Variants in SNRPN observed in about 807,000 individuals in gnomAD.
The protein encoded by SNRPN is small nuclear ribonucleoprotein-associated protein N.
Under a neutral mutation model 25.2 loss-of-function variants are expected in SNRPN, and 7 were observed. The ratio of observed to expected loss-of-function variants is 0.28; its 90% confidence interval spans 0.16 to 0.52. SNRPN has a LOEUF of 0.52. SNRPN is among the 20% of genes least tolerant of loss of function. The probability of loss-of-function intolerance (pLI) is 0.96; values close to 1 mark genes in which losing one functional copy is unlikely to be tolerated. For synonymous variants in SNRPN, 124 were observed against 110.6 expected (o/e 1.12, Z -0.76); for missense variants, 196 against 322.5 (o/e 0.61, Z 3.00).
intron 2 of SNRPN, among the ~76,000 whole-genome samples, chr15:24,895,360 C>T (rs892518988): frequency 2.6e-5 from 4 of 151,282 alleles, no homozygotes; most frequent in African/African-American, 9.7e-5. Context: ...TTGGCATGTC[C>T]TGAATATATT....
chr15:24,890,243 C>T (rs1265179028), intron 2 of SNRPN, among the ~76,000 whole-genome samples: 1 of 152,076 alleles, frequency 6.6e-6, no homozygotes, highest in African/African-American at 2.4e-5. Flanking sequence ...ATGGGACCCT[C>T]ATTTCAGAGG....
intron 2 of SNRPN, among the ~76,000 whole-genome samples, chr15:24,845,403 G>A (rs1350055948): frequency 6.6e-6 from 1 of 152,116 alleles, no homozygotes; most frequent in Non-Finnish European, 1.5e-5. Context: ...TTCGAGACCA[G>A]CCTGACCAAC....
At chr15:24,975,653 GA>G in intron 5 of SNRPN, 144 bp downstream of exon 5, 1 of 661,916 alleles carries the variant, frequency 1.5e-6, no homozygotes, top group Non-Finnish European at 2.6e-6. Context: ...CTCTTGACCT[GA>G]TCTCTGAATT....
intron 2 of SNRPN, among the ~76,000 whole-genome samples, chr15:24,841,966 C>A (rs1159337134): frequency 6.6e-6 from 1 of 152,146 alleles, no homozygotes; most frequent in Non-Finnish European, 1.5e-5. Context: ...ACATTCCTTT[C>A]TCTCTGTCTC....
chr15:24,920,249 C>T (rs1245017215), intron 3 of SNRPN: 3 of 152,102 alleles, frequency 2.0e-5, no homozygotes, highest in Non-Finnish European at 1.5e-5. Context: ...GAATCAGAAA[C>T]GTGTTGTGTT....
At chr15:24,835,485 T>C (rs1275392015) in intron 2 of SNRPN, among the ~76,000 whole-genome samples, 1 of 152,126 alleles carries the variant, frequency 6.6e-6, no homozygotes, top group Admixed American at 6.5e-5. Context: ...GTTTCTGGCC[T>C]GCCTGTGGCA....
chr15:24,927,796 G>T (rs948518043), intron 3 of SNRPN, among the ~76,000 whole-genome samples: 1 of 151,882 alleles, frequency 6.6e-6, no homozygotes, highest in African/African-American at 2.4e-5. Flanking sequence ...TGGTTCCTCT[G>T]CCTGCCTTTG....
intron 6 of SNRPN, 51 bp from the exon 7 acceptor site, chr15:24,976,826 C>T: frequency 6.5e-7 from 1 of 1,535,862 alleles, no homozygotes; most frequent in Non-Finnish European, 8.9e-7. Context: ...AATAAGAATA[C>T]TGAGAACTTG....
At chr15:24,924,829 A>G (rs1050315193) in intron 3 of SNRPN, among the ~76,000 whole-genome samples, 3 of 152,034 alleles carry the variant, frequency 2.0e-5, no homozygotes, top group South Asian at 2.1e-4. Context: ...CCTCTTGGGA[A>G]ATGTGCAGGC....
chr15:24,967,986 C>G lies in SNRPN; in HGVS notation c.-240C>G, dbSNP rs2075900520. 6.2e-7 allele frequency: 1 copy of G among 1,614,032 alleles called. No homozygotes were observed. Among genetic ancestry groups the G allele is most frequent in the Non-Finnish European group, 8.5e-7 (1 of 1,180,004 alleles). ...AGCAGCAAGTACCTGTGGTGGATTTCCAGGCTGAACTGAGGCAGGCATTCT... is the reference window on the plus strand; with the variant it reads ...AGCAGCAAGTACCTGTGGTGGATTTGCAGGCTGAACTGAGGCAGGCATTCT... On this transcript the variant is annotated 5_prime_UTR_variant, in exon 3 of 10. Coordinates refer to ENST00000390687, the MANE Select transcript of SNRPN (RefSeq NM_003097.6).
chr15:24,972,246 ACT>A (rs1224000624), intron 3 of SNRPN, among the ~76,000 whole-genome samples: 1 of 136,482 alleles, frequency 7.3e-6, no homozygotes, highest in East Asian at 2.2e-4. Flanking sequence ...ACAGAGTGAG[ACT>A]CTGTCTCAAA....
chr15:24,843,338 G>T (rs2051863740), intron 2 of SNRPN, among the ~76,000 whole-genome samples: 1 of 152,152 alleles, frequency 6.6e-6, no homozygotes, highest in Non-Finnish European at 1.5e-5. Context: ...TGAGATGCTG[G>T]ATCATATAAC....
intron 3 of SNRPN, among the ~76,000 whole-genome samples, chr15:24,934,982 A>C (rs1008295580): frequency 6.6e-5 from 10 of 152,100 alleles, no homozygotes; most frequent in Non-Finnish European, 2.9e-5. Flanking sequence ...GTAGAAGTTA[A>C]ATTTTTGTGC....
chr15:24,865,827 A>T (rs749036002), intron 1 of SNRPN, among the ~76,000 whole-genome samples: 58 of 152,108 alleles, frequency 3.8e-4, no homozygotes, highest in African/African-American at 8.7e-4. Flanking sequence ...AAACTGCAAA[A>T]GAGACAGATG....
At chr15:24,965,499 TG>T (rs1233966716) in intron 2 of SNRPN, among the ~76,000 whole-genome samples, 1 of 152,190 alleles carries the variant, frequency 6.6e-6, no homozygotes, top group Non-Finnish European at 1.5e-5. Context: ...ATGGTGCCAT[TG>T]GCTGTGCCTG....
intron 1 of SNRPN, among the ~76,000 whole-genome samples, chr15:24,825,077 A>G (rs2049983852): frequency 6.6e-6 from 1 of 152,064 alleles, no homozygotes. Context: ...TGAAAAAGCA[A>G]TGGACCAAGA....
At chr15:24,922,370 C>T (rs368392326) in intron 3 of SNRPN, among the ~76,000 whole-genome samples, 3 of 152,288 alleles carry the variant, frequency 2.0e-5, no homozygotes, top group East Asian at 1.9e-4. Context: ...GGTCTACTAC[C>T]TTGAACCCAG....
At chr15:24,910,412 G>A (rs2152089497) in intron 2 of SNRPN, among the ~76,000 whole-genome samples, 1 of 152,256 alleles carries the variant, frequency 6.6e-6, no homozygotes, top group East Asian at 1.9e-4. Context: ...CAGCACAGGA[G>A]GTCGAGGCGG....
At chr15:24,931,351 A>T (rs8025734) in intron 3 of SNRPN, among the ~76,000 whole-genome samples, 7,293 of 152,236 alleles carry the variant, frequency 0.048, 597 homozygotes, top group African/African-American at 0.16. Flanking sequence ...CATTTTAATC[A>T]CTAATAACTA....
Sources: gnomAD v4.1 joint callset for allele counts (sites outside exome capture counted in the v4.1 genomes callset) on GRCh38, gnomAD v4.1.1 for gene constraint, MANE v1.5 for transcripts, NCBI Gene and HGNC (gene_info 2026-07-23, HGNC 2026-07-21) for gene names.